The following CTNNA3 variants were observed in gnomAD, a reference collection of about 807,000 sequenced individuals.
CTNNA3 encodes catenin alpha-3.
CTNNA3 carries 76 observed loss-of-function variants against 95.7 expected under a neutral mutation model. The observed-to-expected ratio is 0.79, with a 90% CI of 0.66 to 0.96. The LOEUF (loss-of-function observed/expected upper bound fraction) is 0.96, where lower values mean the gene tolerates loss of function less well. Among genes scored for constraint, CTNNA3 ranks in the 40% least tolerant of loss-of-function variants. The probability of loss-of-function intolerance (pLI) is 0.00; values close to 1 mark genes in which losing one functional copy is unlikely to be tolerated. For synonymous variants in CTNNA3, 431 were observed against 374.4 expected, an observed-to-expected ratio of 1.15 and a Z score of -1.74; for missense variants, 1,191 against 1,089.8, an observed-to-expected ratio of 1.09 and a Z score of -1.31.
chr10:66,631,996 C>T (rs1344252817), intron 9 of CTNNA3, among the ~76,000 whole-genome samples: 1 of 131,624 alleles, frequency 7.6e-6, no homozygotes, highest in Non-Finnish European at 1.8e-5. Context: ...AATTTCATAG[C>T]AGTATATATC....
At chr10:67,681,250 A>C (rs1209082641) in intron 1 of CTNNA3, among the ~76,000 whole-genome samples, 1 of 152,212 alleles carries the variant, frequency 6.6e-6, no homozygotes, top group Non-Finnish European at 1.5e-5. Flanking sequence ...AATATGGAGA[A>C]GGATTATTCC....
Position 66,335,033 on chromosome 10 carries a change from G to A in CTNNA3, c.1732+44119C>T, listed in dbSNP as rs190954095. ...CCAGTTGATCGAATCGGCTACTGAG[G>A]CTTATGCATTTGTCATGTAGTTCTC... On this transcript the variant is annotated intron_variant, in intron 12 of 17. Coordinates refer to ENST00000433211, the MANE Select transcript of CTNNA3 (RefSeq NM_013266.4). Among the ~76,000 whole-genome samples the A allele has an allele frequency of 5.9e-5, 9 of 152,100 alleles. 1 individual carries two copies. In the East Asian group the frequency reaches 1.7e-3, roughly 29 times the overall value.
At chr10:67,350,804 A>G (rs1048410172) in intron 5 of CTNNA3, among the ~76,000 whole-genome samples, 2 of 151,384 alleles carry the variant, frequency 1.3e-5, no homozygotes, top group Non-Finnish European at 2.9e-5. Context: ...TTATAAAGTT[A>G]AACATATATT....
intron 13 of CTNNA3, among the ~76,000 whole-genome samples, chr10:66,107,996 T>C (rs559647492): frequency 6.6e-6 from 1 of 152,044 alleles, no homozygotes; most frequent in Admixed American, 6.6e-5. Flanking sequence ...ACCACCACAG[T>C]AATGTCAGGA....
chr10:66,380,756 CTGTTA>C (rs1300912071), intron 11 of CTNNA3, among the ~76,000 whole-genome samples: 3 of 151,418 alleles, frequency 2.0e-5, no homozygotes, highest in East Asian at 1.9e-4. Context: ...TGAGATCTTA[CTGTTA>C]TAATTGTTTT....
rs969544490 is a variant in CTNNA3 at position 65,962,776 on chromosome 10, A to C, written c.2400+3836T>G. Among the ~76,000 whole-genome samples, 7 of 137,564 alleles carry C rather than the reference A, an allele frequency of 5.1e-5. No homozygotes were observed. In the East Asian group the frequency reaches 1.5e-3, roughly 30 times the overall value. The allele number at this position is 137,564 out of a possible 152,430, so 90.2% of individuals were successfully genotyped here. A position where few individuals can be genotyped will look rare whatever the true frequency, so the allele number is the denominator to read the frequency against. ...CTGTGTCCATGTGTTCTCATTGTTC[A>C]ACTCCCACTTACGAGTGAGAACATG... On this transcript the variant is annotated intron_variant, in intron 17 of 17. Coordinates refer to ENST00000433211, the MANE Select transcript of CTNNA3 (RefSeq NM_013266.4).
intron 17 of CTNNA3, among the ~76,000 whole-genome samples, chr10:65,946,319 C>A (rs937699903): frequency 2.0e-5 from 3 of 152,186 alleles, no homozygotes; most frequent in Admixed American, 1.3e-4. Flanking sequence ...GACATGCACA[C>A]ACACATATTC....
chr10:67,481,261 C>T (rs896103506), intron 5 of CTNNA3, among the ~76,000 whole-genome samples: 3 of 152,100 alleles, frequency 2.0e-5, no homozygotes, highest in African/African-American at 7.2e-5. Flanking sequence ...CAGCATAGTA[C>T]TGGAAGTTCT....
At chr10:67,626,808 C>T (rs1386054247) in intron 2 of CTNNA3, among the ~76,000 whole-genome samples, 1 of 152,072 alleles carries the variant, frequency 6.6e-6, no homozygotes, top group African/African-American at 2.4e-5. Flanking sequence ...CATGTGTTTG[C>T]ATATTATCTA....
chr10:66,432,647 C>T (rs1435751036), intron 11 of CTNNA3, among the ~76,000 whole-genome samples: 1 of 137,068 alleles, frequency 7.3e-6, no homozygotes, highest in African/African-American at 2.8e-5. Context: ...GGTGACAGAG[C>T]GAGACCATCT....
intron 5 of CTNNA3, among the ~76,000 whole-genome samples, chr10:67,354,005 C>G (rs1170346621): frequency 6.6e-6 from 1 of 152,000 alleles, no homozygotes; most frequent in Non-Finnish European, 1.5e-5. Context: ...GCCCACTCCG[C>G]CTCCATTCTT....
chr10:66,310,624 T>C lies in CTNNA3; in HGVS notation c.1733-30003A>G, dbSNP rs75206171. ...GAAGAGGGTAACATAAAAAAGCAAA[T>C]ATTTATTTCCCATTATTCTAGGCCA... On this transcript the variant is annotated intron_variant, in intron 12 of 17. Transcript: ENST00000433211. 7.1e-3 allele frequency among the ~76,000 whole-genome samples: 1,082 copies of C among 152,086 alleles called. 11 individuals carry two copies. Among genetic ancestry groups the C allele is most frequent in the South Asian group, 0.036 (174 of 4,828 alleles).
chr10:66,060,303 A>G (rs2080169228), intron 15 of CTNNA3, among the ~76,000 whole-genome samples: 1 of 152,102 alleles, frequency 6.6e-6, no homozygotes, highest in African/African-American at 2.4e-5. Flanking sequence ...ATCTAATCTA[A>G]TATCTAACTC....
At chr10:67,266,157 G>C (rs1305247770) in intron 5 of CTNNA3, among the ~76,000 whole-genome samples, 1 of 152,034 alleles carries the variant, frequency 6.6e-6, no homozygotes, top group African/African-American at 2.4e-5. Flanking sequence ...CCTCAGAAAG[G>C]TAAATGATTA....
chr10:66,114,431 T>C (rs569902964), intron 13 of CTNNA3, among the ~76,000 whole-genome samples: 2 of 148,752 alleles, frequency 1.3e-5, no homozygotes, highest in Admixed American at 1.3e-4. Flanking sequence ...TATATTCGTA[T>C]GTATATATGT....
chr10:66,974,224 T>A (rs75689734), intron 7 of CTNNA3, among the ~76,000 whole-genome samples: 26,565 of 152,136 alleles, frequency 0.17, 2,412 homozygotes, highest in Middle Eastern at 0.19. Context: ...TTTTGCTCAT[T>A]ACAAGTTTAG....
At chr10:67,219,568 T>A in intron 6 of CTNNA3, 39 bp downstream of exon 6, 8 of 1,581,390 alleles carry the variant, frequency 5.1e-6, no homozygotes, top group Non-Finnish European at 6.9e-6. Context: ...ATTACTGTAT[T>A]AGGACATCAG....
chr10:66,311,732 G>A (rs188238387), intron 12 of CTNNA3, among the ~76,000 whole-genome samples: 2 of 152,228 alleles, frequency 1.3e-5, no homozygotes, highest in African/African-American at 4.8e-5. Flanking sequence ...TTTCTACATG[G>A]GGCTCCTATA....
At chr10:66,191,905 T>C (rs1044255312) in intron 13 of CTNNA3, among the ~76,000 whole-genome samples, 6 of 152,146 alleles carry the variant, frequency 3.9e-5, no homozygotes, top group African/African-American at 1.4e-4. Flanking sequence ...CATGAATGAA[T>C]TAATGTCATT....
Sources: gnomAD v4.1 joint callset for allele counts (sites outside exome capture counted in the v4.1 genomes callset) on GRCh38, gnomAD v4.1.1 for gene constraint, MANE v1.5 for transcripts, NCBI Gene and HGNC (gene_info 2026-07-23, HGNC 2026-07-21) for gene names.